DSCC1: variants seen among roughly 807,000 people sequenced by gnomAD.
DSCC1 encodes the protein DNA replication and sister chromatid cohesion 1, also known as sister chromatid cohesion protein DCC1.
Under a neutral mutation model 48.2 loss-of-function variants are expected in DSCC1, and 32 were observed. That is an observed-to-expected ratio of 0.66 (90% CI 0.50 to 0.89). DSCC1 has a LOEUF of 0.89. Ranked by LOEUF, DSCC1 falls within the 40% of genes least tolerant of loss-of-function variation. The pLI is 0.00. For missense variants in DSCC1, 421 were observed against 471.7 expected, an observed-to-expected ratio of 0.89 and a Z score of 1.00; for synonymous variants, 150 against 171.5, an observed-to-expected ratio of 0.87 and a Z score of 0.98.
At chr8:119,852,384 T>G (rs534475291) in intron 2 of DSCC1, among the ~76,000 whole-genome samples, 6 of 152,158 alleles carry the variant, frequency 3.9e-5, no homozygotes, top group Non-Finnish European at 7.4e-5. Context: ...GACAGAGTCT[T>G]GCTCTGTCAC....
At chr8:119,847,166 G>A (rs1826869446) in intron 3 of DSCC1, 86 bp from the exon 4 acceptor site, 1 of 1,162,218 alleles carries the variant, frequency 8.6e-7, no homozygotes, top group Admixed American at 2.0e-5. Context: ...TAAATACATA[G>A]AACAGATTAA....
At chr8:119,852,871 T>TC (rs1175081676) in intron 2 of DSCC1, 176 bp downstream of exon 2, 2 of 528,584 alleles carry the variant, frequency 3.8e-6, no homozygotes. Flanking sequence ...TTCACAAGAC[T>TC]CCAACAAACA....
chr8:119,843,472 C>T (rs914151589), intron 5 of DSCC1, 137 bp downstream of exon 5: 25 of 1,264,298 alleles, frequency 2.0e-5, no homozygotes, highest in African/African-American at 1.1e-4. Flanking sequence ...AAATCTTCTT[C>T]GGTTGTAATT....
Position 119,841,833 on chromosome 8 carries a change from ACT to A in DSCC1, c.883_884del (p.Ser295CysfsTer3). On this transcript the variant is annotated frameshift_variant, in exon 7 of 9. Transcript: ENST00000313655. LOFTEE classifies it high-confidence loss of function. Reference protein sequence around the residue: ...LAEFQEVWQQSVPEGMVTSLD... With the variant: ...LAEFQEVWQQXVPEGMVTSLD... ...GACTAGTTACCATTCCTTCAGGAAC[ACT>A]CTGCTGCCACACTTCTTGAAACTCA... 1 of 1,613,928 alleles carries A rather than the reference ACT, an allele frequency of 6.2e-7. No individual in the cohort carries two copies. Among genetic ancestry groups the A allele is most frequent in the East Asian group, 2.2e-5 (1 of 44,862 alleles).
intron 7 of DSCC1, among the ~76,000 whole-genome samples, chr8:119,841,592 T>C (rs965693325): frequency 6.6e-6 from 1 of 152,196 alleles, no homozygotes. Context: ...TAAAAATATT[T>C]TAAAGGTATA....
chr8:119,853,315 A>C (rs2131312725), intron 1 of DSCC1, 100 bp from the exon 2 acceptor site: 1 of 1,255,294 alleles, frequency 8.0e-7, no homozygotes, highest in South Asian at 2.1e-5. Context: ...AGAACTTAGA[A>C]TTAAGTTTTG....
At chr8:119,844,910 G>C (rs947958842) in intron 4 of DSCC1, among the ~76,000 whole-genome samples, 1 of 152,030 alleles carries the variant, frequency 6.6e-6, no homozygotes, top group Non-Finnish European at 1.5e-5. Context: ...CTATCTTGCA[G>C]AGGCATTTCT....
intron 7 of DSCC1, chr8:119,839,859 C>G (rs1313453307): frequency 6.6e-6 from 1 of 152,236 alleles, no homozygotes; most frequent in African/African-American, 2.4e-5. Context: ...GTTCATCTTT[C>G]CATACTCAGC....
rs1826619641 is a variant in DSCC1 at position 119,834,037 on chromosome 8, T to C, written c.*856A>G. 1 of 152,284 alleles carries C rather than the reference T, an allele frequency of 6.6e-6. No individual in the cohort carries two copies. 9.4% of individuals were successfully genotyped at this position (152,284 alleles called of 1,614,324 possible). On this transcript the variant is annotated 3_prime_UTR_variant, in exon 9 of 9. Coordinates refer to ENST00000313655, the MANE Select transcript of DSCC1 (RefSeq NM_024094.3). ...CCATCGTGTTTGTATTTCATGTTCATGACAATAAAACTTGTAAACTTCAGT... is the reference window on the plus strand; with the variant it reads ...CCATCGTGTTTGTATTTCATGTTCACGACAATAAAACTTGTAAACTTCAGT...
intron 3 of DSCC1, among the ~76,000 whole-genome samples, chr8:119,849,429 T>C (rs114489715): frequency 0.012 from 1,862 of 152,176 alleles, 38 homozygotes; most frequent in African/African-American, 0.042. Context: ...AACAAAACAC[T>C]GATACATGCT....
intron 2 of DSCC1, 108 bp downstream of exon 2, chr8:119,852,939 A>G: frequency 1.0e-6 from 1 of 995,012 alleles, no homozygotes; most frequent in Non-Finnish European, 1.4e-6. Context: ...AACTTCTTAG[A>G]TTCTCCCTGA....
At chr8:119,841,742 CCTAGTAATTAATCAA>C in intron 7 of DSCC1, 37 bp downstream of exon 7, 1 of 1,586,360 alleles carries the variant, frequency 6.3e-7, no homozygotes, top group Non-Finnish European at 8.6e-7. Context: ...GTATCATTCA[CCTAGTAATTAATCAA>C]CTGTTGAAGT....
At position 119,855,830 on chromosome 8, in the gene DSCC1, G is replaced by A. The variant is rs201879219; in HGVS notation, c.-35C>T. 7.0e-6 allele frequency: 10 copies of A among 1,423,952 alleles called. No homozygotes were observed. The highest frequency in any genetic ancestry group is 6.0e-5 in the Admixed American group (2 of 33,522). The allele number at this position is 1,423,952 out of a possible 1,614,324, so 88.2% of individuals were successfully genotyped here. A position where few individuals can be genotyped will look rare whatever the true frequency, so the allele number is the denominator to read the frequency against. On this transcript the variant is annotated 5_prime_UTR_variant, in exon 1 of 9. Transcript: ENST00000313655. Reference sequence around the variant, plus strand: ...GGGTCTAGGAGTCCCGCCGCGCCCGGGTGGCTGCGGGCTTGGCGGGCAAGA... The same window carrying A: ...GGGTCTAGGAGTCCCGCCGCGCCCGAGTGGCTGCGGGCTTGGCGGGCAAGA...
Position 119,834,890 on chromosome 8 carries a change from C to G in DSCC1, c.*3G>C, listed in dbSNP as rs1826654689. The G allele has an allele frequency of 1.9e-6, 3 of 1,575,990 alleles. No homozygotes were observed. The highest frequency in any genetic ancestry group is 3.5e-5 in the Admixed American group (2 of 57,872). On this transcript the variant is annotated 3_prime_UTR_variant, in exon 9 of 9. Coordinates refer to ENST00000313655, the MANE Select transcript of DSCC1 (RefSeq NM_024094.3). Reference sequence around the variant, plus strand: ...GAGTCCTGAAGAAAAGACCGTTGTTCTTTTAAGAAATGGGTCTTCTCGAAT... The same window carrying G: ...GAGTCCTGAAGAAAAGACCGTTGTTGTTTTAAGAAATGGGTCTTCTCGAAT...
In DSCC1 at chr8:119,853,190, C is replaced by T. The variant is rs991563488; in HGVS notation, c.208G>A (p.Glu70Lys). Residue 70 changes from glutamate to lysine, a missense_variant, in exon 2 of 9, where the codon GAG becomes AAG. By Grantham distance (56) the Glu-to-Lys change is moderately conservative. Transcript: ENST00000313655. ...TCTTTACTGCACAGCACAGCTTGCT[C>T]GTCTTTATCACCACGAATCACAAGA... is the stretch of plus-strand genomic sequence containing the variant. Reference protein sequence around the residue: ...HSLVIRGDKDEQAVLCSKDKT... With the variant: ...HSLVIRGDKDKQAVLCSKDKT... 1.9e-6 allele frequency: 3 copies of T among 1,610,638 alleles called. No individual in the cohort carries two copies. Among genetic ancestry groups the T allele is most frequent in the Middle Eastern group, 1.7e-4 (1 of 6,048 alleles).
chr8:119,834,288 G>A lies in DSCC1; in HGVS notation c.*605C>T, dbSNP rs1826630202. The A allele has an allele frequency of 6.6e-6, 1 of 152,250 alleles. No homozygotes were observed. Among genetic ancestry groups the A allele is most frequent in the African/African-American group, 2.4e-5 (1 of 41,450 alleles). The allele number at this position is 152,250 out of a possible 1,614,324, so 9.4% of individuals were successfully genotyped here. A position where few individuals can be genotyped will look rare whatever the true frequency, so the allele number is the denominator to read the frequency against. On this transcript the variant is annotated 3_prime_UTR_variant, in exon 9 of 9. Coordinates refer to ENST00000313655, the MANE Select transcript of DSCC1 (RefSeq NM_024094.3). ...TAGAAATTACTTGAAGTTTTCGAGT[G>A]AGCATTGCCTGTGCCAGTATTCTTC...
In DSCC1 at chr8:119,855,880, GT is replaced by G. The variant is rs1233863461; in HGVS notation, c.-86del. The G allele has an allele frequency of 7.3e-7, 1 of 1,375,184 alleles. No homozygotes were observed. Among genetic ancestry groups the G allele is most frequent in the Non-Finnish European group, 9.4e-7 (1 of 1,061,350 alleles). The allele number at this position is 1,375,184 out of a possible 1,614,324, so 85.2% of individuals were successfully genotyped here. On this transcript the variant is annotated 5_prime_UTR_variant, in exon 1 of 9. Transcript: ENST00000313655. ...AAAGAAGTTCCCAAGCAGCCGGAAGGTAGGAAACCTGAGCGTTTGAAAGCGC... is the reference window on the plus strand; with the variant it reads ...AAAGAAGTTCCCAAGCAGCCGGAAGGAGGAAACCTGAGCGTTTGAAAGCGC...
At chr8:119,846,949 C>A (rs1214153882) in intron 4 of DSCC1, 41 bp downstream of exon 4, 2 of 1,569,202 alleles carry the variant, frequency 1.3e-6, no homozygotes, top group African/African-American at 2.7e-5. Flanking sequence ...CCTTATGATG[C>A]CCAATTTCAT....
Position 119,838,363 on chromosome 8 carries a change from A to G in DSCC1, c.969T>C (p.Phe323=), listed in dbSNP as rs1464503922. Residue 323 remains phenylalanine (F), a synonymous_variant, in exon 8 of 9, where the codon TTT becomes TTC. Transcript: ENST00000313655. The part of the protein sequence containing the change: ...VDRHSRPEII[F]LLKVDDLPED... ...CAGGTAAATCATCTACTTTCAGCAAAAATATGATTTCTGGTCTCGAGTGTC... is the reference window on the plus strand; with the variant it reads ...CAGGTAAATCATCTACTTTCAGCAAGAATATGATTTCTGGTCTCGAGTGTC... The G allele has an allele frequency of 1.2e-6, 2 of 1,608,822 alleles. No homozygotes were observed. The highest frequency in any genetic ancestry group is 1.7e-6 in the Non-Finnish European group (2 of 1,178,114).
Sources: gnomAD v4.1 joint callset for allele counts (sites outside exome capture counted in the v4.1 genomes callset) on GRCh38, gnomAD v4.1.1 for gene constraint, MANE v1.5 for transcripts, NCBI Gene and HGNC (gene_info 2026-07-23, HGNC 2026-07-21) for gene names.